RAPH1: variants seen among roughly 807,000 people sequenced by gnomAD.
RAPH1 encodes the protein Ras association (RalGDS/AF-6) and pleckstrin homology domains 1, also known as ras-associated and pleckstrin homology domains-containing protein 1.
In RAPH1, 18 loss-of-function variants were observed where a neutral mutation model predicts 88.1. The ratio of observed to expected loss-of-function variants is 0.20; its 90% CI spans 0.14 to 0.30. The LOEUF (loss-of-function observed/expected upper bound fraction) is 0.30, where lower values mean the gene tolerates loss of function less well. Among genes scored for constraint, RAPH1 ranks in the 10% least tolerant of loss-of-function variants. The pLI is 1.00. For missense variants in RAPH1, 1,448 were observed against 1,543.2 expected (o/e 0.94, Z 1.03); for synonymous variants, 587 against 559.0 (o/e 1.05, Z -0.71).
At chr2:203,478,475 A>G (rs193156221) in intron 4 of RAPH1, among the ~76,000 whole-genome samples, 18 of 151,638 alleles carry the variant, frequency 1.2e-4, no homozygotes, top group African/African-American at 4.4e-4. Flanking sequence ...TCATAAGGAC[A>G]TCATTTTTTG....
intron 7 of RAPH1, among the ~76,000 whole-genome samples, chr2:203,458,400 G>C (rs1383403736): frequency 2.0e-5 from 3 of 151,958 alleles, no homozygotes; most frequent in Admixed American, 2.0e-4. Context: ...AAATCAAACT[G>C]AAGTCTACTC....
In RAPH1 at chr2:203,459,958, C is replaced by G; in HGVS notation, c.1041G>C (p.Lys347Asn). ...LLNWTRDSQN[K>N]LIFMERIEKY... is the part of the protein sequence containing the mutation. ...TTTCTATACGCTCCATAAATATAAG[C>G]TTGTTTTGGCTATCTCTTGTCCAAT... Residue 347 changes from lysine (K) to asparagine (N), a missense_variant, in exon 7 of 14, where the codon AAG (lysine) becomes AAC (asparagine). Around this residue, in one of 2 missense-constraint regions of RAPH1, gnomAD observed 513 missense variants for 653.1 expected, o/e 0.79. Coordinates refer to ENST00000319170, the MANE Select transcript of RAPH1 (RefSeq NM_213589.3). 1 of 1,612,386 alleles carries G rather than the reference C, an allele frequency of 6.2e-7. No homozygotes were observed. Among genetic ancestry groups the G allele is most frequent in the Non-Finnish European group, 8.5e-7 (1 of 1,178,700 alleles).
chr2:203,507,892 C>T lies in RAPH1; in HGVS notation c.1-12539G>A, dbSNP rs534153178. Among the ~76,000 whole-genome samples, 5 of 152,134 alleles carry T rather than the reference C, an allele frequency of 3.3e-5. No homozygotes were observed. The East Asian group carries it at 5.8e-4, about 18-fold the overall frequency. ...GATTTTGATAACAGTATTGCAGTGACGTAAGAGAACATCTTTGATCTTAAG... is the reference window on the plus strand; with the variant it reads ...GATTTTGATAACAGTATTGCAGTGATGTAAGAGAACATCTTTGATCTTAAG... On this transcript the variant is annotated intron_variant, in intron 1 of 13. Coordinates refer to ENST00000319170, the MANE Select transcript of RAPH1 (RefSeq NM_213589.3).
intron 4 of RAPH1, among the ~76,000 whole-genome samples, chr2:203,485,023 T>C (rs1466894472): frequency 6.6e-6 from 1 of 152,162 alleles, no homozygotes; most frequent in African/African-American, 2.4e-5. Flanking sequence ...AACTTCATGC[T>C]CCATGGGAAC....
intron 1 of RAPH1, among the ~76,000 whole-genome samples, chr2:203,529,005 A>ATATATATTTTTTT (rs1553633903): frequency 1.5e-4 from 6 of 41,154 alleles, no homozygotes; most frequent in East Asian, 1.0e-3. Context: ...ATATATATAT[A>ATATATATTTTTTT]TTTTTTTTTT....
rs1213882018 is a variant in RAPH1, at chr2:203,441,412, G to A, written c.1778C>T (p.Ala593Val). 2 of 1,533,042 alleles carry A rather than the reference G, an allele frequency of 1.3e-6. No individual in the cohort carries two copies. The highest frequency in any genetic ancestry group is 2.1e-5 in the Admixed American group (1 of 47,272). 95.0% of individuals were successfully genotyped at this position (1,533,042 alleles called of 1,614,324 possible). The change falls in exon 14 of 14, where the codon GCC becomes GTC. Residue 593 changes from alanine to valine, a missense_variant and splice_region_variant. By Grantham distance (64) the Ala-to-Val change is moderately conservative. Coordinates refer to ENST00000319170, the MANE Select transcript of RAPH1 (RefSeq NM_213589.3). ...RGTQLEESSK[A>V]RMESMNRPYT... is the part of the protein sequence containing the mutation. ...GGGCCGATTCATAGACTCCATTCTG[G>A]CCTAAAAGGAGTATAAAAAGGGAGT... is the stretch of plus-strand genomic sequence containing the variant.
At chr2:203,508,344 G>A (rs774529469) in intron 1 of RAPH1, among the ~76,000 whole-genome samples, 2 of 151,962 alleles carry the variant, frequency 1.3e-5, no homozygotes, top group Admixed American at 6.6e-5. Flanking sequence ...TGTTGGTCAG[G>A]CTGGTCTCGA....
At position 203,476,988 on chromosome 2, in the gene RAPH1, A is replaced by C. The variant is rs537788159; in HGVS notation, c.732+12596T>G. On this transcript the variant is annotated intron_variant, in intron 4 of 13. Coordinates refer to ENST00000319170, the MANE Select transcript of RAPH1 (RefSeq NM_213589.3). Reference sequence around the variant, plus strand: ...GTTTAATTTTTATTTGAAAAACTGAAGTTATATGAAAAGGTTTCATCATTT... The same window carrying C: ...GTTTAATTTTTATTTGAAAAACTGACGTTATATGAAAAGGTTTCATCATTT... The C allele has an allele frequency of 5.5e-6, 5 of 912,848 alleles. No homozygotes were observed. In the East Asian group the frequency reaches 1.2e-4, roughly 22 times the overall value. 56.5% of individuals were successfully genotyped at this position (912,848 alleles called of 1,614,324 possible). A position where few individuals can be genotyped will look rare whatever the true frequency, so the allele number is the denominator to read the frequency against.
In RAPH1 at chr2:203,525,184, ATCT is replaced by A. The variant is rs1287137374; in HGVS notation, c.-1+9924_-1+9926del. On this transcript the variant is annotated intron_variant, in intron 1 of 13. Coordinates refer to ENST00000319170, the MANE Select transcript of RAPH1 (RefSeq NM_213589.3). ...TGGATAAGAAATCTGGTATATTAACATCTTCTTTTTTGTTTTTTTGAGACGGAG... is the reference window on the plus strand; with the variant it reads ...TGGATAAGAAATCTGGTATATTAACATCTTTTTTGTTTTTTTGAGACGGAG... Among the ~76,000 whole-genome samples, 9 of 152,284 alleles carry A rather than the reference ATCT, an allele frequency of 5.9e-5. No homozygotes were observed. In the East Asian group the frequency reaches 1.5e-3, roughly 26 times the overall value.
Position 203,504,045 on chromosome 2 carries a change from G to A in RAPH1, c.1-8692C>T, listed in dbSNP as rs565812911. Among the ~76,000 whole-genome samples the A allele has an allele frequency of 5.3e-5, 8 of 152,262 alleles. No homozygotes were observed. The South Asian group carries it at 8.3e-4, about 16-fold the overall frequency. The stretch of plus-strand genomic sequence containing the variant: ...CAGCCTCCCTCCTGGCTGCTTTCAC[G>A]GGCTGGCATTGAGTGTCTGAGGCTT... On this transcript the variant is annotated intron_variant, in intron 1 of 13. Coordinates refer to ENST00000319170, the MANE Select transcript of RAPH1 (RefSeq NM_213589.3).
Position 203,440,363 on chromosome 2 carries a change from G to C in RAPH1, c.2827C>G (p.Pro943Ala), listed in dbSNP as rs1322536373. The C allele has an allele frequency of 1.2e-6, 2 of 1,604,304 alleles. No homozygotes were observed. Among genetic ancestry groups the C allele is most frequent in the Non-Finnish European group, 1.7e-6 (2 of 1,174,134 alleles). ...TCAGGGGTAGGAGAAGCTGTGGGTG[G>C]AGGTGGTGGTGGTGGGGCTGGGACA... ...SPVPAPPPPP[P>A]PTASPTPDKS... Residue 943 changes from proline (P) to alanine (A), a missense_variant, in exon 14 of 14, where the codon CCA becomes GCA. Pro to Ala is a conservative substitution (Grantham distance 27). Coordinates refer to ENST00000319170, the MANE Select transcript of RAPH1 (RefSeq NM_213589.3).
chr2:203,522,620 G>A (rs1477865648), intron 1 of RAPH1, among the ~76,000 whole-genome samples: 1 of 152,030 alleles, frequency 6.6e-6, no homozygotes, highest in Non-Finnish European at 1.5e-5. Flanking sequence ...CCTTGAAAAG[G>A]GTTGGGTGCA....
chr2:203,465,205 C>G (rs981357840), intron 4 of RAPH1, among the ~76,000 whole-genome samples: 1 of 152,196 alleles, frequency 6.6e-6, no homozygotes, highest in South Asian at 2.1e-4. Flanking sequence ...ATGTTTATAG[C>G]AACCTTATTC....
At position 203,439,573 on chromosome 2, in the gene RAPH1, G is replaced by A; in HGVS notation, c.3617C>T (p.Pro1206Leu). Residue 1206 changes from proline to leucine, a missense_variant, in exon 14 of 14, where the codon CCC becomes CTC. Pro to Leu is a moderately conservative substitution (Grantham distance 98). Coordinates refer to ENST00000319170, the MANE Select transcript of RAPH1 (RefSeq NM_213589.3). ...CTGTTGATCAGACAGCAGTTCAGGG[G>A]GTGGTGGAGGCAATGCCATATCATC... ...TMDDMALPPP[P>L]PELLSDQQKA... The A allele has an allele frequency of 6.2e-7, 1 of 1,614,192 alleles. No individual in the cohort carries two copies. The highest frequency in any genetic ancestry group is 8.5e-7 in the Non-Finnish European group (1 of 1,180,032).
In RAPH1 at chr2:203,492,182, C is replaced by T. The variant is rs1364362380; in HGVS notation, c.121-863G>A. 6.7e-5 allele frequency among the ~76,000 whole-genome samples: 10 copies of T among 148,372 alleles called. No homozygotes were observed. In the East Asian group the frequency reaches 2.0e-3, roughly 29 times the overall value. ...CTGAGAGGCAGAGGTTGCAGTGAGC[C>T]GAGATCACGCCACTGCACTCCAGCC... On this transcript the variant is annotated intron_variant, in intron 2 of 13. Transcript: ENST00000319170.
At position 203,461,335 on chromosome 2, in the gene RAPH1, T is replaced by C; in HGVS notation, c.884A>G (p.Gln295Arg). Residue 295 changes from glutamine (Q) to arginine (R), a missense_variant, in exon 6 of 14, where the codon CAA becomes CGA. By Grantham distance (43) the Gln-to-Arg change is conservative. Transcript: ENST00000319170. ...TTTGTCCATCAGGTTATCCAGTACT[T>C]GTCTTACTGTCTGCCTCTCATCCAC... Reference protein sequence around the residue: ...MMVDERQTVRQVLDNLMDKSH... With the variant: ...MMVDERQTVRRVLDNLMDKSH... The C allele has an allele frequency of 6.2e-7, 1 of 1,610,936 alleles. No individual in the cohort carries two copies. Among genetic ancestry groups the C allele is most frequent in the South Asian group, 1.1e-5 (1 of 90,620 alleles).
At chr2:203,455,774 G>A (rs1213060709) in intron 8 of RAPH1, among the ~76,000 whole-genome samples, 194 bp from the exon 9 acceptor site, 1 of 151,764 alleles carries the variant, frequency 6.6e-6, no homozygotes, top group Non-Finnish European at 1.5e-5. Flanking sequence ...AGCACTTTGG[G>A]AAGCGGGTGG....
At chr2:203,526,284 T>C (rs1337213562) in intron 1 of RAPH1, among the ~76,000 whole-genome samples, 4 of 152,170 alleles carry the variant, frequency 2.6e-5, no homozygotes, top group Non-Finnish European at 5.9e-5. Flanking sequence ...ATTTATGGGG[T>C]ACAAAGTGAT....
chr2:203,528,995 A>AT (rs1559508240), intron 1 of RAPH1, among the ~76,000 whole-genome samples: 11 of 79,536 alleles, frequency 1.4e-4, no homozygotes, highest in African/African-American at 6.1e-4. Context: ...ATATATATAT[A>AT]TATATATATA....
Sources: allele counts gnomAD v4.1 joint callset (sites outside exome capture counted in the v4.1 genomes callset), GRCh38; gene constraint gnomAD v4.1.1; regional missense constraint gnomAD v4.1.1; transcripts MANE v1.5; gene names NCBI Gene and HGNC (gene_info 2026-07-23, HGNC 2026-07-21).